The following PDZD2 variants were observed in gnomAD, a reference collection of about 807,000 sequenced individuals.
The protein encoded by PDZD2 is PDZ domain-containing protein 2.
In PDZD2, 90 loss-of-function variants were observed where a neutral mutation model predicts 220.7. The ratio of observed to expected loss-of-function variants is 0.41; its 90% confidence interval spans 0.34 to 0.49. PDZD2 has a LOEUF of 0.49. Among genes scored for constraint, PDZD2 ranks in the 20% least tolerant of loss-of-function variants. PDZD2 has a pLI of 0.28. For missense variants in PDZD2, 3,174 were observed against 3,608.5 expected, an observed-to-expected ratio of 0.88 and a Z score of 3.08; for synonymous variants, 1,375 against 1,450.5, an observed-to-expected ratio of 0.95 and a Z score of 1.18.
At chr5:31,814,894 C>G (rs7722980) in intron 2 of PDZD2, among the ~76,000 whole-genome samples, 71,494 of 151,714 alleles carry the variant, frequency 0.47, 18,098 homozygotes, top group African/African-American at 0.61. Flanking sequence ...GGCGGTTGTG[C>G]AGGCCAAAGT....
rs1434438030 is a variant in PDZD2, at chr5:32,109,563, G to C, written c.*1428G>C. 1.3e-5 allele frequency: 2 copies of C among 152,200 alleles called. No homozygotes were observed. Among genetic ancestry groups the C allele is most frequent in the African/African-American group, 4.8e-5 (2 of 41,436 alleles). The allele number at this position is 152,200 out of a possible 1,614,324, so 9.4% of individuals were successfully genotyped here. A position where few individuals can be genotyped will look rare whatever the true frequency, so the allele number is the denominator to read the frequency against. ...AACTCTCATCGGGTCATAAAGAGGAGGAGAAACAGGGTGAGTCAAGGTAAA... is the reference window on the plus strand; with the variant it reads ...AACTCTCATCGGGTCATAAAGAGGACGAGAAACAGGGTGAGTCAAGGTAAA... On this transcript the variant is annotated 3_prime_UTR_variant, in exon 25 of 25. Transcript: ENST00000438447.
intron 1 of PDZD2, among the ~76,000 whole-genome samples, chr5:31,704,947 G>C (rs537197652): frequency 2.6e-5 from 4 of 152,228 alleles, no homozygotes; most frequent in Admixed American, 2.6e-4. Context: ...GGTCATTTGA[G>C]GCTGGAAGTT....
At chr5:31,924,852 T>A (rs1305137925) in intron 2 of PDZD2, among the ~76,000 whole-genome samples, 2 of 152,332 alleles carry the variant, frequency 1.3e-5, no homozygotes, top group Non-Finnish European at 2.9e-5. Context: ...GAAAATTCCT[T>A]ATTCCTTCTG....
At chr5:31,927,274 T>C (rs1581098186) in intron 2 of PDZD2, among the ~76,000 whole-genome samples, 1 of 152,282 alleles carries the variant, frequency 6.6e-6, no homozygotes, top group East Asian at 1.9e-4. Flanking sequence ...TGTTGCATCA[T>C]GGGAGAGAAA....
chr5:31,719,897 A>G lies in PDZD2; in HGVS notation c.-360-78992A>G, dbSNP rs145308590. Among the ~76,000 whole-genome samples the G allele has an allele frequency of 5.9e-5, 9 of 152,358 alleles. 1 individual carries two copies. The East Asian group carries it at 1.7e-3, about 29-fold the overall frequency. On this transcript the variant is annotated intron_variant, in intron 1 of 24. Coordinates refer to ENST00000438447, the MANE Select transcript of PDZD2 (RefSeq NM_178140.4). Reference sequence around the variant, plus strand: ...CAGTTAAGAATTTTAGTTGCAAAACACAGAATCAACTCTAGTTGGTTTAAG... The same window carrying G: ...CAGTTAAGAATTTTAGTTGCAAAACGCAGAATCAACTCTAGTTGGTTTAAG...
intron 2 of PDZD2, chr5:31,855,002 C>T: frequency 2.0e-6 from 2 of 985,428 alleles, no homozygotes; most frequent in East Asian, 1.1e-4. Context: ...GGGCAGCTGG[C>T]AGCCGCCCCA....
chr5:31,791,407 A>G (rs1434814917), intron 1 of PDZD2, among the ~76,000 whole-genome samples: 1 of 151,900 alleles, frequency 6.6e-6, no homozygotes, highest in East Asian at 2.0e-4. Context: ...CCTGACCAAC[A>G]TGGAGAAACC....
chr5:31,997,727 TTG>T (rs751909605), intron 4 of PDZD2, among the ~76,000 whole-genome samples: 3 of 152,022 alleles, frequency 2.0e-5, no homozygotes, highest in Non-Finnish European at 4.4e-5. Flanking sequence ...TAGCCTGGAG[TTG>T]TGTGTGTGTG....
chr5:31,852,495 A>G (rs554038467), intron 2 of PDZD2, among the ~76,000 whole-genome samples: 80 of 152,028 alleles, frequency 5.3e-4, no homozygotes, highest in Non-Finnish European at 9.9e-4. Context: ...CATGTTGGCC[A>G]GGCTGCTCTC....
chr5:31,753,282 A>G (rs923787958), intron 1 of PDZD2, among the ~76,000 whole-genome samples: 2 of 152,222 alleles, frequency 1.3e-5, no homozygotes, highest in Non-Finnish European at 2.9e-5. Context: ...GCACGGATGC[A>G]GGTTTTCTAT....
intron 4 of PDZD2, among the ~76,000 whole-genome samples, chr5:31,997,692 G>A (rs1420010378): frequency 6.6e-6 from 1 of 152,070 alleles, no homozygotes; most frequent in African/African-American, 2.4e-5. Flanking sequence ...ATTTCTATTG[G>A]GTCTCATCCT....
intron 1 of PDZD2, among the ~76,000 whole-genome samples, chr5:31,663,801 AG>A (rs1459125480): frequency 1.3e-5 from 2 of 152,212 alleles, no homozygotes; most frequent in South Asian, 2.1e-4. Context: ...ATCACAAGAC[AG>A]CTGGGGCAGG....
intron 2 of PDZD2, among the ~76,000 whole-genome samples, chr5:31,914,382 C>T (rs1000578512): frequency 4.6e-5 from 7 of 152,048 alleles, no homozygotes; most frequent in Admixed American, 4.6e-4. Flanking sequence ...ATACAAAAAT[C>T]AGCCAGGCAT....
At chr5:32,041,451 TAGAA>T (rs1756141383) in intron 7 of PDZD2, among the ~76,000 whole-genome samples, 1 of 152,104 alleles carries the variant, frequency 6.6e-6, no homozygotes, top group Admixed American at 6.6e-5. Flanking sequence ...TGTGTCTGTG[TAGAA>T]AGAAGTAGAC....
At chr5:31,695,543 T>C (rs1747342932) in intron 1 of PDZD2, among the ~76,000 whole-genome samples, 1 of 152,236 alleles carries the variant, frequency 6.6e-6, no homozygotes, top group Non-Finnish European at 1.5e-5. Context: ...TTGTACTAAC[T>C]TGGATTTTGT....
chr5:32,009,209 T>C (rs956715251), intron 5 of PDZD2, among the ~76,000 whole-genome samples: 2 of 151,212 alleles, frequency 1.3e-5, no homozygotes, highest in African/African-American at 4.9e-5. Flanking sequence ...CCAGGCATGG[T>C]GGCGTGTGCC....
intron 2 of PDZD2, among the ~76,000 whole-genome samples, chr5:31,961,357 C>T (rs946759094): frequency 8.0e-6 from 1 of 125,496 alleles, no homozygotes; most frequent in Non-Finnish European, 1.7e-5. Context: ...CATGGCGAAA[C>T]TCCGTCTCTA....
intron 2 of PDZD2, among the ~76,000 whole-genome samples, chr5:31,818,984 A>G (rs977099942): frequency 1.3e-5 from 2 of 152,182 alleles, no homozygotes; most frequent in Admixed American, 6.5e-5. Context: ...TTGTTTTACC[A>G]TGTGCATGAG....
At chr5:31,785,760 T>C (rs1422616516) in intron 1 of PDZD2, among the ~76,000 whole-genome samples, 1 of 152,046 alleles carries the variant, frequency 6.6e-6, no homozygotes, top group Non-Finnish European at 1.5e-5. Flanking sequence ...CTTTTAACTG[T>C]GCACATGCCC....
Sources: allele counts gnomAD v4.1 joint callset (sites outside exome capture counted in the v4.1 genomes callset), GRCh38; gene constraint gnomAD v4.1.1; transcripts MANE v1.5; gene names NCBI Gene and HGNC (gene_info 2026-07-23, HGNC 2026-07-21).